SGCD: variants seen among roughly 807,000 people sequenced by gnomAD.
The protein encoded by SGCD is delta-sarcoglycan.
A neutral mutation model predicts 36.6 loss-of-function variants in SGCD; 18 were observed. That is an observed-to-expected ratio of 0.49 (90% confidence interval 0.34 to 0.73). The LOEUF (loss-of-function observed/expected upper bound fraction) is 0.73, where lower values mean the gene tolerates loss of function less well. Ranked by LOEUF, SGCD falls within the 30% of genes least tolerant of loss-of-function variation. The pLI is 0.01. For missense variants in SGCD, 387 were observed against 346.7 expected (o/e 1.12, Z -0.92); for synonymous variants, 133 against 130.6 (o/e 1.02, Z -0.12).
chr5:156,078,561 T>TTA (rs1023651923), intron 1 of SGCD, among the ~76,000 whole-genome samples: 4 of 118,308 alleles, frequency 3.4e-5, no homozygotes, highest in Non-Finnish European at 4.7e-5. Flanking sequence ...ATATTTATAT[T>TTA]TATATATATA....
intron 3 of SGCD, among the ~76,000 whole-genome samples, chr5:156,134,078 G>T (rs1322621565): frequency 1.3e-5 from 2 of 152,116 alleles, no homozygotes; most frequent in Non-Finnish European, 2.9e-5. Flanking sequence ...TCTCTCCAGT[G>T]AAATTCACAT....
intron 3 of SGCD, among the ~76,000 whole-genome samples, chr5:156,176,450 G>T (rs1341792086): frequency 6.6e-6 from 1 of 152,002 alleles, no homozygotes; most frequent in Non-Finnish European, 1.5e-5. Context: ...ATGTTGAAAA[G>T]ACAAAAAAAG....
intron 7 of SGCD, among the ~76,000 whole-genome samples, chr5:156,741,615 A>AT (rs2113085608): frequency 6.6e-6 from 1 of 151,836 alleles, no homozygotes; most frequent in South Asian, 2.1e-4. Flanking sequence ...CGAAAACTAC[A>AT]CATCTTCAAA....
chr5:156,017,026 C>T (rs879058667), intron 1 of SGCD, among the ~76,000 whole-genome samples: 2 of 152,142 alleles, frequency 1.3e-5, no homozygotes, highest in Admixed American at 6.5e-5. Flanking sequence ...CAGCAACATA[C>T]GAGGGTGCCT....
At chr5:155,834,158 T>C in the SGCD span, among the ~76,000 whole-genome samples, 4 of 150,018 alleles carry the variant, frequency 2.7e-5, no homozygotes, top group Non-Finnish European at 4.4e-5. Context: ...TTGTCTTGTG[T>C]AATTATTAGT....
intron 3 of SGCD, among the ~76,000 whole-genome samples, chr5:156,395,826 G>A (rs191113589): frequency 8.7e-4 from 133 of 152,210 alleles, no homozygotes; most frequent in African/African-American, 3.0e-3. Flanking sequence ...AGCTTCCTTC[G>A]TTGCAAAATG....
chr5:156,004,767 A>G (rs1426777324), intron 1 of SGCD, among the ~76,000 whole-genome samples: 1 of 152,256 alleles, frequency 6.6e-6, no homozygotes, highest in African/African-American at 2.4e-5. Flanking sequence ...TAAATTGGGT[A>G]AATGAGCCTA....
chr5:156,454,971 C>T (rs1754189066), intron 3 of SGCD, among the ~76,000 whole-genome samples: 2 of 152,126 alleles, frequency 1.3e-5, no homozygotes, highest in Admixed American at 1.3e-4. Context: ...AAGAACCTCC[C>T]TTCTGCAATG....
the SGCD span, among the ~76,000 whole-genome samples, chr5:155,842,251 T>G: frequency 2.0e-5 from 3 of 150,788 alleles, no homozygotes; most frequent in Non-Finnish European, 3.0e-5. Context: ...GAGGTGTTTT[T>G]TTTTTTTTTT....
chr5:156,448,428 T>C (rs1189803428), intron 3 of SGCD, among the ~76,000 whole-genome samples: 1 of 152,118 alleles, frequency 6.6e-6, no homozygotes, highest in East Asian at 1.9e-4. Flanking sequence ...TAAGAAGTAG[T>C]CCTTTAATTT....
At chr5:156,699,162 C>A (rs968464212) in intron 7 of SGCD, among the ~76,000 whole-genome samples, 1 of 152,182 alleles carries the variant, frequency 6.6e-6, no homozygotes, top group African/African-American at 2.4e-5. Flanking sequence ...TCAGCAGAGA[C>A]ACTTTTGTAT....
intron 3 of SGCD, among the ~76,000 whole-genome samples, chr5:156,294,269 T>C (rs1202626239): frequency 6.6e-6 from 1 of 152,138 alleles, no homozygotes; most frequent in East Asian, 1.9e-4. Flanking sequence ...TAAATTATAT[T>C]TGTGAACAGA....
At chr5:156,755,968 C>A (rs1745993340) in intron 7 of SGCD, among the ~76,000 whole-genome samples, 1 of 152,132 alleles carries the variant, frequency 6.6e-6, no homozygotes, top group Admixed American at 6.5e-5. Context: ...CGTAGTGGAT[C>A]TTACTGGTCA....
intron 3 of SGCD, among the ~76,000 whole-genome samples, chr5:156,283,900 G>C (rs1342513627): frequency 4.6e-5 from 7 of 152,272 alleles, no homozygotes; most frequent in African/African-American, 1.7e-4. Flanking sequence ...GAAAAGTGCT[G>C]AGTTCTCCCC....
intron 1 of SGCD, among the ~76,000 whole-genome samples, chr5:155,908,909 C>T (rs1756577259): frequency 6.6e-6 from 1 of 152,108 alleles, no homozygotes; most frequent in Admixed American, 6.6e-5. Context: ...TCAATGAATA[C>T]TTCTGAAATA....
intron 3 of SGCD, among the ~76,000 whole-genome samples, chr5:156,443,895 C>A (rs1394095069): frequency 6.6e-6 from 1 of 152,060 alleles, no homozygotes; most frequent in Non-Finnish European, 1.5e-5. Context: ...TTTGCTAACC[C>A]CAAATTAGGT....
intron 7 of SGCD, among the ~76,000 whole-genome samples, chr5:156,693,713 A>G (rs1009915165): frequency 2.6e-5 from 4 of 152,174 alleles, no homozygotes; most frequent in Non-Finnish European, 4.4e-5. Context: ...TTGTTTTCTC[A>G]GTAAAATCAG....
intron 6 of SGCD, among the ~76,000 whole-genome samples, chr5:156,617,801 G>A (rs543416671): frequency 6.6e-6 from 1 of 152,244 alleles, no homozygotes; most frequent in African/African-American, 2.4e-5. Flanking sequence ...GGCCATGATT[G>A]CCCTCCCTGG....
intron 1 of SGCD, among the ~76,000 whole-genome samples, chr5:156,104,578 C>T (rs1761599390): frequency 6.6e-6 from 1 of 152,224 alleles, no homozygotes; most frequent in South Asian, 2.1e-4. Context: ...TTATTATGCT[C>T]TATTGTTTTT....
Sources: gnomAD v4.1 joint callset for allele counts (sites outside exome capture counted in the v4.1 genomes callset) on GRCh38, gnomAD v4.1.1 for gene constraint, MANE v1.5 for transcripts, NCBI Gene and HGNC (gene_info 2026-07-23, HGNC 2026-07-21) for gene names.